DCLK2: variants seen among roughly 807,000 people sequenced by gnomAD.
The protein encoded by DCLK2 is doublecortin like kinase 2, also known as serine/threonine-protein kinase DCLK2.
Under a neutral mutation model 78.4 loss-of-function variants are expected in DCLK2, and 31 were observed. That is an observed-to-expected ratio of 0.40 (90% CI 0.30 to 0.53). DCLK2 has a LOEUF of 0.53. DCLK2 is among the 20% of genes least tolerant of loss of function. The probability of loss-of-function intolerance (pLI) is 0.61; values close to 1 mark genes in which losing one functional copy is unlikely to be tolerated. For missense variants in DCLK2, 872 were observed against 973.7 expected, an observed-to-expected ratio of 0.90 and a Z score of 1.39; for synonymous variants, 407 against 374.9, an observed-to-expected ratio of 1.09 and a Z score of -0.99.
At chr4:150,209,334 A>C (rs1385169231) in intron 5 of DCLK2, among the ~76,000 whole-genome samples, 2 of 152,178 alleles carry the variant, frequency 1.3e-5, no homozygotes, top group Non-Finnish European at 2.9e-5. Flanking sequence ...CTCTCACCTC[A>C]GTGGCCCCAG....
At chr4:150,193,408 G>A (rs1322121751) in intron 3 of DCLK2, among the ~76,000 whole-genome samples, 168 bp downstream of exon 3, 2 of 152,186 alleles carry the variant, frequency 1.3e-5, no homozygotes, top group East Asian at 1.9e-4. Flanking sequence ...TAACATGAAA[G>A]CATTTGCCTA....
rs997325449 is a variant in DCLK2, at chr4:150,126,728, T to C, written c.756+23916T>C. Among the ~76,000 whole-genome samples, 5 of 152,210 alleles carry C rather than the reference T, an allele frequency of 3.3e-5. No homozygotes were observed. The East Asian group carries it at 9.6e-4, about 29-fold the overall frequency. On this transcript the variant is annotated intron_variant, in intron 2 of 15. Transcript: ENST00000296550. Reference sequence around the variant, plus strand: ...CCTCCCGTAATGCTGATATCTTCTGTAAACATAGTGTAGTTATTTAAAACA... The same window carrying C: ...CCTCCCGTAATGCTGATATCTTCTGCAAACATAGTGTAGTTATTTAAAACA...
intron 1 of DCLK2, among the ~76,000 whole-genome samples, chr4:150,080,200 T>G (rs1223313039): frequency 6.6e-6 from 1 of 151,064 alleles, no homozygotes; most frequent in East Asian, 1.9e-4. Context: ...AAAAGGTAAA[T>G]CAAGGTCAAT....
intron 5 of DCLK2, among the ~76,000 whole-genome samples, chr4:150,217,518 A>G (rs965923634): frequency 1.3e-5 from 2 of 152,214 alleles, no homozygotes; most frequent in African/African-American, 2.4e-5. Context: ...TGTAACCGTC[A>G]GCACCTATCC....
At chr4:150,171,970 A>T (rs1409740118) in intron 2 of DCLK2, among the ~76,000 whole-genome samples, 1 of 152,198 alleles carries the variant, frequency 6.6e-6, no homozygotes, top group Non-Finnish European at 1.5e-5. Flanking sequence ...CCAGAATATG[A>T]CTTAATAATG....
rs376988726 is a variant in DCLK2 at position 150,170,525 on chromosome 4, C to G, written c.757-22613C>G. Among the ~76,000 whole-genome samples, 19 of 152,274 alleles carry G rather than the reference C, an allele frequency of 1.2e-4. No individual in the cohort carries two copies. The South Asian group carries it at 3.9e-3, about 32-fold the overall frequency. ...AACATTTTCAAAATTATGCTAGAAACAGTAGGGGAAACGAGGAGGATATAC... is the reference window on the plus strand; with the variant it reads ...AACATTTTCAAAATTATGCTAGAAAGAGTAGGGGAAACGAGGAGGATATAC... On this transcript the variant is annotated intron_variant, in intron 2 of 15. Coordinates refer to ENST00000296550, the MANE Select transcript of DCLK2 (RefSeq NM_001040260.4).
At chr4:150,159,198 T>G (rs1436369133) in intron 2 of DCLK2, among the ~76,000 whole-genome samples, 2 of 152,192 alleles carry the variant, frequency 1.3e-5, no homozygotes, top group Non-Finnish European at 2.9e-5. Context: ...ATTCACATCC[T>G]AGACATGAGC....
At chr4:150,172,472 T>G (rs954011557) in intron 2 of DCLK2, among the ~76,000 whole-genome samples, 2 of 151,716 alleles carry the variant, frequency 1.3e-5, no homozygotes, top group Non-Finnish European at 2.9e-5. Context: ...CCGGGCATCA[T>G]GGCGGGCGCC....
At chr4:150,164,722 A>G (rs6824886) in intron 2 of DCLK2, among the ~76,000 whole-genome samples, 88,350 of 151,920 alleles carry the variant, frequency 0.58, 25,761 homozygotes, top group South Asian at 0.72. Context: ...TTGCTTGAAC[A>G]CAGGAGGTGG....
At chr4:150,108,270 A>G (rs912976158) in intron 2 of DCLK2, among the ~76,000 whole-genome samples, 1 of 152,046 alleles carries the variant, frequency 6.6e-6, no homozygotes, top group Non-Finnish European at 1.5e-5. Flanking sequence ...GCACTTTGGG[A>G]TGCTGAGGCG....
chr4:150,247,699 G>C lies in DCLK2; in HGVS notation c.1875G>C (p.Lys625Asn). ...PYWDNITDSA[K>N]ELISQMLQVN... ...GGGATAACATCACGGACTCTGCCAA[G>C]GTACCCTCCAGGCCTGTTTCTGTGG... The change falls in exon 13 of 16, where the codon AAG becomes AAC. Residue 625 changes from lysine (K) to asparagine (N), a missense_variant and splice_region_variant. By Grantham distance (94) the Lys-to-Asn change is moderately conservative. Coordinates refer to ENST00000296550, the MANE Select transcript of DCLK2 (RefSeq NM_001040260.4). The C allele has an allele frequency of 6.2e-7, 1 of 1,613,658 alleles. No individual in the cohort carries two copies. The highest frequency in any genetic ancestry group is 8.5e-7 in the Non-Finnish European group (1 of 1,179,700).
chr4:150,147,131 TAAAA>T (rs1287410137), intron 2 of DCLK2, among the ~76,000 whole-genome samples: 1 of 150,196 alleles, frequency 6.7e-6, no homozygotes, highest in South Asian at 2.1e-4. Flanking sequence ...AAAAAAAAAA[TAAAA>T]AATAAAAAAG....
chr4:150,162,580 G>A (rs139417053), intron 2 of DCLK2, among the ~76,000 whole-genome samples: 3,157 of 152,082 alleles, frequency 0.021, 41 homozygotes, highest in Middle Eastern at 0.034. Flanking sequence ...CAAATTAAAT[G>A]TATGTCTTAA....
At chr4:150,090,457 A>G (rs982953542) in intron 1 of DCLK2, among the ~76,000 whole-genome samples, 4 of 152,156 alleles carry the variant, frequency 2.6e-5, no homozygotes, top group Admixed American at 6.5e-5. Context: ...AAAACGCACA[A>G]TGAAAATTCC....
At chr4:150,178,641 T>C (rs78281660) in intron 2 of DCLK2, among the ~76,000 whole-genome samples, 3,175 of 152,280 alleles carry the variant, frequency 0.021, 108 homozygotes, top group African/African-American at 0.072. Context: ...ACCAAAATCT[T>C]GTTTGCAGCA....
intron 1 of DCLK2, among the ~76,000 whole-genome samples, chr4:150,082,224 A>C (rs541383382): frequency 6.6e-6 from 1 of 152,280 alleles, no homozygotes; most frequent in East Asian, 1.9e-4. Context: ...GTTTTGGTTG[A>C]TTATTTTTAA....
chr4:150,254,318 A>G (rs1744411098), intron 15 of DCLK2: 1 of 398,380 alleles, frequency 2.5e-6, no homozygotes, highest in African/African-American at 2.1e-5. Flanking sequence ...AAGATAGACA[A>G]AACTGTTTCA....
chr4:150,212,527 G>A (rs561071131), intron 5 of DCLK2, among the ~76,000 whole-genome samples: 1 of 152,288 alleles, frequency 6.6e-6, no homozygotes, highest in Admixed American at 6.5e-5. Context: ...AGAGATGGAT[G>A]GTGACTTCAT....
chr4:150,244,259 A>G (rs928201931), intron 12 of DCLK2, among the ~76,000 whole-genome samples: 1 of 152,182 alleles, frequency 6.6e-6, no homozygotes, highest in African/African-American at 2.4e-5. Context: ...CTTTTTCAAC[A>G]TCAGATTCAT....
Sources: gnomAD v4.1 joint callset for allele counts (sites outside exome capture counted in the v4.1 genomes callset) on GRCh38, gnomAD v4.1.1 for gene constraint, MANE v1.5 for transcripts, NCBI Gene and HGNC (gene_info 2026-07-23, HGNC 2026-07-21) for gene names.